SGCD: variants seen among roughly 807,000 people sequenced by gnomAD.
SGCD encodes sarcoglycan delta, also known as delta-sarcoglycan.
In SGCD, 18 loss-of-function variants were observed where a neutral mutation model predicts 36.6. That is an observed-to-expected ratio of 0.49 (90% CI 0.34 to 0.73). The LOEUF (loss-of-function observed/expected upper bound fraction) is 0.73, where lower values mean the gene tolerates loss of function less well. SGCD is among the 30% of genes least tolerant of loss of function. The probability of loss-of-function intolerance (pLI) is 0.01; values close to 1 mark genes in which losing one functional copy is unlikely to be tolerated. For missense variants in SGCD, 387 were observed against 346.7 expected, an observed-to-expected ratio of 1.12 and a Z score of -0.92; for synonymous variants, 133 against 130.6, an observed-to-expected ratio of 1.02 and a Z score of -0.12.
At chr5:156,400,814 A>G (rs1015046463) in intron 3 of SGCD, among the ~76,000 whole-genome samples, 1 of 152,212 alleles carries the variant, frequency 6.6e-6, no homozygotes, top group Admixed American at 6.5e-5. Flanking sequence ...ATTTGAAAGA[A>G]CAGATGTGGA....
At chr5:155,806,453 G>A in the SGCD span, among the ~76,000 whole-genome samples, 24 of 152,144 alleles carry the variant, frequency 1.6e-4, no homozygotes, top group Admixed American at 1.3e-3. Flanking sequence ...GTGCCCAGCC[G>A]ACTTCACTAT....
At chr5:156,477,928 C>T (rs1755258785) in intron 3 of SGCD, among the ~76,000 whole-genome samples, 2 of 151,938 alleles carry the variant, frequency 1.3e-5, no homozygotes, top group African/African-American at 4.8e-5. Context: ...ATGAAATGCT[C>T]ATGGAATCTC....
In SGCD at chr5:156,765,707, A is replaced by G. The variant is rs1405026709; in HGVS notation, c.*6317A>G. ...GTGAAAACTGAGGCTTATAGTGGCT[A>G]AGAAACTTGCCCAAAGCCACTACCT... On this transcript the variant is annotated 3_prime_UTR_variant, in exon 9 of 9. Transcript: ENST00000337851. 6.6e-6 allele frequency: 1 copy of G among 152,154 alleles called. No individual in the cohort carries two copies. Among genetic ancestry groups the G allele is most frequent in the East Asian group, 1.9e-4 (1 of 5,202 alleles). 9.4% of individuals were successfully genotyped at this position (152,154 alleles called of 1,614,324 possible). A position where few individuals can be genotyped will look rare whatever the true frequency, so the allele number is the denominator to read the frequency against.
chr5:156,225,817 T>TAA (rs917899727), intron 3 of SGCD, among the ~76,000 whole-genome samples: 2 of 148,278 alleles, frequency 1.3e-5, no homozygotes. Flanking sequence ...TAATAAATAT[T>TAA]AAAAAAAAAA....
chr5:155,982,238 C>A (rs1445271043), intron 1 of SGCD, among the ~76,000 whole-genome samples: 1 of 152,098 alleles, frequency 6.6e-6, no homozygotes, highest in African/African-American at 2.4e-5. Context: ...ACTGTCGGGG[C>A]ATGAGGGCAG....
At chr5:156,692,999 A>T (rs1237403731) in intron 7 of SGCD, among the ~76,000 whole-genome samples, 1 of 152,192 alleles carries the variant, frequency 6.6e-6, no homozygotes, top group South Asian at 2.1e-4. Flanking sequence ...GCCCTGTAAG[A>T]CACTGCTATC....
At chr5:156,622,533 AAGAC>A (rs1762293016) in intron 6 of SGCD, among the ~76,000 whole-genome samples, 1 of 141,148 alleles carries the variant, frequency 7.1e-6, no homozygotes, top group Non-Finnish European at 1.5e-5. Flanking sequence ...CTCCATAACA[AAGAC>A]AGATTTTTTT....
intron 6 of SGCD, among the ~76,000 whole-genome samples, chr5:156,617,080 A>G (rs929229926): frequency 1.7e-4 from 26 of 152,126 alleles, no homozygotes; most frequent in African/African-American, 6.3e-4. Context: ...TTTTCTTTCT[A>G]TCCTTCCTCA....
chr5:156,086,433 G>T (rs1364973080), intron 1 of SGCD, among the ~76,000 whole-genome samples: 1 of 152,220 alleles, frequency 6.6e-6, no homozygotes, highest in African/African-American at 2.4e-5. Flanking sequence ...ATGCCTTAAA[G>T]AAGCCATTTC....
intron 7 of SGCD, among the ~76,000 whole-genome samples, chr5:156,738,300 AAG>A (rs1030779192): frequency 6.6e-6 from 1 of 152,184 alleles, no homozygotes; most frequent in African/African-American, 2.4e-5. Context: ...GAGGACCATA[AAG>A]AGAGTCCCTC....
At chr5:155,776,705 T>C in the SGCD span, among the ~76,000 whole-genome samples, 4 of 147,592 alleles carry the variant, frequency 2.7e-5, no homozygotes, top group Middle Eastern at 3.4e-3. Flanking sequence ...TACTTGACTT[T>C]GGAAGAGGAT....
intron 2 of SGCD, among the ~76,000 whole-genome samples, chr5:156,123,611 G>A (rs1388395303): frequency 2.0e-5 from 3 of 152,080 alleles, no homozygotes; most frequent in Non-Finnish European, 4.4e-5. Context: ...AGTTAAATGA[G>A]CAAATTTGAT....
At chr5:156,423,320 A>ATATAT (rs1249756105) in intron 3 of SGCD, among the ~76,000 whole-genome samples, 9 of 8,052 alleles carry the variant, frequency 1.1e-3, no homozygotes, top group African/African-American at 2.8e-3. Flanking sequence ...TTATAATATA[A>ATATAT]TATATTTTAT....
intron 3 of SGCD, among the ~76,000 whole-genome samples, chr5:156,256,128 G>T (rs1014178734): frequency 3.9e-5 from 6 of 152,152 alleles, no homozygotes; most frequent in Middle Eastern, 3.2e-3. Flanking sequence ...GGTTTTGCAA[G>T]TAGAGAAAGG....
intron 3 of SGCD, among the ~76,000 whole-genome samples, chr5:156,297,945 C>T (rs1351470432): frequency 6.8e-6 from 1 of 146,508 alleles, no homozygotes; most frequent in African/African-American, 2.5e-5. Context: ...AATTACCCTT[C>T]CCAGACTCTG....
At chr5:156,404,134 C>T (rs569565145) in intron 3 of SGCD, among the ~76,000 whole-genome samples, 44 of 152,242 alleles carry the variant, frequency 2.9e-4, no homozygotes, top group African/African-American at 1.0e-3. Flanking sequence ...TGTGCCTGGC[C>T]TTCCTCACCT....
At chr5:156,399,232 C>T (rs1772017430) in intron 3 of SGCD, among the ~76,000 whole-genome samples, 1 of 152,130 alleles carries the variant, frequency 6.6e-6, no homozygotes, top group Non-Finnish European at 1.5e-5. Context: ...GTAAATACAA[C>T]AGAAAATTTT....
chr5:156,132,735 G>T (rs967013664), intron 3 of SGCD, among the ~76,000 whole-genome samples: 17 of 151,714 alleles, frequency 1.1e-4, no homozygotes, highest in Admixed American at 2.0e-4. Flanking sequence ...CCCAAAGTGC[G>T]GGGATTACAG....
At position 156,444,001 on chromosome 5, in the gene SGCD, T is replaced by TAAACA. The variant is rs141974869; in HGVS notation, c.193-64594_193-64590dup. On this transcript the variant is annotated intron_variant, in intron 3 of 8. Transcript: ENST00000337851. Reference sequence around the variant, plus strand: ...ATTTTCTGCATCCTAATGACCCACCTAAACAAAACAGATACTTGCTGATTT... The same window carrying TAAACA: ...ATTTTCTGCATCCTAATGACCCACCTAAACAAAACAAAACAGATACTTGCTGATTT... Among the ~76,000 whole-genome samples, 607 of 151,114 alleles carry TAAACA rather than the reference T, an allele frequency of 4.0e-3. 6 individuals are homozygous for TAAACA. The highest frequency in any genetic ancestry group is 0.014 in the African/African-American group (564 of 41,112).
Sources: gnomAD v4.1 joint callset for allele counts (sites outside exome capture counted in the v4.1 genomes callset) on GRCh38, gnomAD v4.1.1 for gene constraint, MANE v1.5 for transcripts, NCBI Gene and HGNC (gene_info 2026-07-23, HGNC 2026-07-21) for gene names.